Variants in KLHL32 observed in about 807,000 individuals in gnomAD.
KLHL32 encodes kelch like family member 32, also known as kelch-like protein 32.
A neutral mutation model predicts 64.8 loss-of-function variants in KLHL32; 35 were observed. The observed-to-expected ratio is 0.54, with a 90% confidence interval of 0.41 to 0.72. KLHL32 has a LOEUF of 0.72. KLHL32 is among the 30% of genes least tolerant of loss of function. The pLI is 0.00. For synonymous variants in KLHL32, 259 were observed against 281.0 expected, an observed-to-expected ratio of 0.92 and a Z score of 0.78; for missense variants, 589 against 768.5, an observed-to-expected ratio of 0.77 and a Z score of 2.76.
At chr6:96,975,598 G>C (rs1775606703) in intron 2 of KLHL32, among the ~76,000 whole-genome samples, 1 of 152,114 alleles carries the variant, frequency 6.6e-6, no homozygotes, top group South Asian at 2.1e-4. Context: ...AGAGTGGGAA[G>C]GGTCACACAC....
chr6:97,065,525 A>C (rs953589967), intron 5 of KLHL32, among the ~76,000 whole-genome samples: 1 of 152,194 alleles, frequency 6.6e-6, no homozygotes, highest in Non-Finnish European at 1.5e-5. Context: ...GACTTTATAG[A>C]GTGTTACTAA....
intron 7 of KLHL32, among the ~76,000 whole-genome samples, chr6:97,125,384 A>G (rs979779986): frequency 1.3e-5 from 2 of 152,202 alleles, no homozygotes; most frequent in Non-Finnish European, 2.9e-5. Context: ...TGACCTATTC[A>G]AAGTATTTGA....
intron 3 of KLHL32, chr6:97,025,087 T>C (rs929030936): frequency 4.4e-5 from 43 of 985,282 alleles, no homozygotes; most frequent in Non-Finnish European, 5.1e-5. Flanking sequence ...AAATTAGTGT[T>C]GAGCGAAGGC....
At chr6:97,050,601 A>C (rs1053918656) in intron 4 of KLHL32, among the ~76,000 whole-genome samples, 2 of 152,230 alleles carry the variant, frequency 1.3e-5, no homozygotes, top group African/African-American at 4.8e-5. Flanking sequence ...AATAACAAAA[A>C]TAGGGGCAGA....
intron 3 of KLHL32, among the ~76,000 whole-genome samples, chr6:97,026,094 TTATATA>T (rs775887367): frequency 1.3e-5 from 2 of 151,706 alleles, no homozygotes; most frequent in Non-Finnish European, 2.9e-5. Context: ...AATAAATACA[TTATATA>T]TATATAAATG....
chr6:96,915,889 G>A, the KLHL32 span, among the ~76,000 whole-genome samples: 1 of 152,076 alleles, frequency 6.6e-6, no homozygotes, highest in Non-Finnish European at 1.5e-5. Context: ...CTTAAAAGCA[G>A]GACATAAATT....
intron 7 of KLHL32, among the ~76,000 whole-genome samples, chr6:97,120,564 G>C (rs1193457844): frequency 1.3e-5 from 2 of 152,246 alleles, no homozygotes; most frequent in African/African-American, 4.8e-5. Flanking sequence ...AAGGTTATGA[G>C]ACTGGAATAG....
intron 5 of KLHL32, among the ~76,000 whole-genome samples, chr6:97,083,351 C>T (rs1205213395): frequency 6.6e-6 from 1 of 150,894 alleles, no homozygotes; most frequent in Non-Finnish European, 1.5e-5. Flanking sequence ...GATCGCACCA[C>T]TGCATTCCAG....
chr6:97,109,786 C>T (rs1427225989), intron 6 of KLHL32, among the ~76,000 whole-genome samples: 1 of 152,192 alleles, frequency 6.6e-6, no homozygotes, highest in Non-Finnish European at 1.5e-5. Flanking sequence ...GTCTCTAGTG[C>T]TGTTTCCGGT....
chr6:96,951,888 G>A (rs1004777603), intron 1 of KLHL32, among the ~76,000 whole-genome samples: 7 of 152,082 alleles, frequency 4.6e-5, no homozygotes, highest in Non-Finnish European at 8.8e-5. Flanking sequence ...CTGGAGTAGC[G>A]TTGTTTTGTT....
intron 8 of KLHL32, among the ~76,000 whole-genome samples, chr6:97,128,046 C>A (rs1293073180): frequency 6.6e-6 from 1 of 152,070 alleles, no homozygotes; most frequent in Non-Finnish European, 1.5e-5. Context: ...ATGGATGAAC[C>A]TTGGCAATTG....
the KLHL32 span, among the ~76,000 whole-genome samples, chr6:96,918,445 A>G: frequency 6.6e-6 from 1 of 152,230 alleles, no homozygotes; most frequent in African/African-American, 2.4e-5. Context: ...TTAGTGAATG[A>G]GGTTAACAAT....
At chr6:97,083,655 G>A (rs1405424030) in intron 5 of KLHL32, among the ~76,000 whole-genome samples, 1 of 152,132 alleles carries the variant, frequency 6.6e-6, no homozygotes, top group Non-Finnish European at 1.5e-5. Flanking sequence ...CATTAATAGT[G>A]ATTATCTCTG....
chr6:97,128,480 C>G (rs1056509373), intron 8 of KLHL32, among the ~76,000 whole-genome samples: 1 of 152,180 alleles, frequency 6.6e-6, no homozygotes, highest in Non-Finnish European at 1.5e-5. Flanking sequence ...CATGTTTGTA[C>G]ACACATGCTC....
intron 6 of KLHL32, among the ~76,000 whole-genome samples, chr6:97,110,262 G>T (rs182952640): frequency 1.3e-5 from 2 of 152,246 alleles, no homozygotes; most frequent in South Asian, 4.1e-4. Context: ...AGTTAAAAAT[G>T]CTACCTTCTA....
At chr6:97,104,219 T>G (rs1407988362) in intron 6 of KLHL32, among the ~76,000 whole-genome samples, 1 of 152,218 alleles carries the variant, frequency 6.6e-6, no homozygotes, top group Non-Finnish European at 1.5e-5. Flanking sequence ...ACAACTCAGG[T>G]CACTTTTCAT....
At chr6:97,003,287 G>A (rs1196987011) in intron 3 of KLHL32, among the ~76,000 whole-genome samples, 1 of 152,050 alleles carries the variant, frequency 6.6e-6, no homozygotes, top group Admixed American at 6.6e-5. Flanking sequence ...TTAGCAGTAT[G>A]TATGTCTTCT....
chr6:96,989,881 T>G (rs1263894358), intron 3 of KLHL32, among the ~76,000 whole-genome samples: 1 of 152,202 alleles, frequency 6.6e-6, no homozygotes, highest in East Asian at 1.9e-4. Flanking sequence ...TATTCTGCTG[T>G]TAAAAAAAAG....
intron 3 of KLHL32, among the ~76,000 whole-genome samples, chr6:97,003,665 G>A (rs534271113): frequency 4.3e-4 from 66 of 152,144 alleles, no homozygotes; most frequent in African/African-American, 1.4e-3. Context: ...TTGATTTTTT[G>A]TATATACTGT....
Sources: gnomAD v4.1 joint callset for allele counts (sites outside exome capture counted in the v4.1 genomes callset) on GRCh38, gnomAD v4.1.1 for gene constraint, MANE v1.5 for transcripts, NCBI Gene and HGNC (gene_info 2026-07-23, HGNC 2026-07-21) for gene names.